Variants in DOK5 observed in about 807,000 individuals in gnomAD.
DOK5 encodes the protein downstream of tyrosine kinase 5.
DOK5 carries 27 observed loss-of-function variants against 43.3 expected under a neutral mutation model. That is an observed-to-expected ratio of 0.62 (90% CI 0.46 to 0.86). DOK5 has a LOEUF of 0.86. DOK5 is among the 40% of genes least tolerant of loss of function. DOK5 has a pLI of 0.00. For missense variants in DOK5, 373 were observed against 392.9 expected, an observed-to-expected ratio of 0.95 and a Z score of 0.43; for synonymous variants, 146 against 140.1, an observed-to-expected ratio of 1.04 and a Z score of -0.30.
At chr20:54,550,762 A>G (rs1238909042) in intron 1 of DOK5, among the ~76,000 whole-genome samples, 1 of 152,140 alleles carries the variant, frequency 6.6e-6, no homozygotes, top group Non-Finnish European at 1.5e-5. Flanking sequence ...CATTGTATGG[A>G]GGATGTACCA....
chr20:54,565,740 T>A (rs1195222450), intron 2 of DOK5, among the ~76,000 whole-genome samples: 1 of 152,298 alleles, frequency 6.6e-6, no homozygotes, highest in African/African-American at 2.4e-5. Flanking sequence ...ATACTGAACA[T>A]GGTCGGGCGC....
chr20:54,557,921 G>A (rs567120678), intron 2 of DOK5, among the ~76,000 whole-genome samples: 1 of 152,210 alleles, frequency 6.6e-6, no homozygotes, highest in East Asian at 1.9e-4. Context: ...CATAAAATAC[G>A]GTCTACAAAG....
chr20:54,616,154 G>T (rs763757431), intron 6 of DOK5, among the ~76,000 whole-genome samples: 1 of 152,122 alleles, frequency 6.6e-6, no homozygotes, highest in African/African-American at 2.4e-5. Flanking sequence ...ATGTGTTAAG[G>T]ACATTTTGTG....
chr20:54,590,392 A>C (rs2146768847), intron 4 of DOK5, among the ~76,000 whole-genome samples: 1 of 152,094 alleles, frequency 6.6e-6, no homozygotes, highest in Middle Eastern at 3.4e-3. Flanking sequence ...TTTTTTCCCT[A>C]TCTCTCCCCT....
chr20:54,584,698 T>A (rs1364031595), intron 2 of DOK5, among the ~76,000 whole-genome samples: 1 of 149,994 alleles, frequency 6.7e-6, no homozygotes, highest in African/African-American at 2.5e-5. Context: ...ATATATATAG[T>A]ACTATAATAT....
chr20:54,484,554 A>G (rs1217423684), intron 1 of DOK5, among the ~76,000 whole-genome samples: 3 of 152,174 alleles, frequency 2.0e-5, no homozygotes, highest in Non-Finnish European at 4.4e-5. Context: ...TATAACAACC[A>G]ATATATTGAC....
chr20:54,517,144 G>A (rs1983224704), intron 1 of DOK5, among the ~76,000 whole-genome samples: 1 of 152,146 alleles, frequency 6.6e-6, no homozygotes, highest in South Asian at 2.1e-4. Flanking sequence ...TTCCCACCCT[G>A]TGTGCAGTGT....
At chr20:54,578,213 CTTCA>C (rs1433328833) in intron 2 of DOK5, among the ~76,000 whole-genome samples, 1 of 152,138 alleles carries the variant, frequency 6.6e-6, no homozygotes, top group African/African-American at 2.4e-5. Context: ...TAAGAAATTA[CTTCA>C]GGATGTCAAA....
chr20:54,531,324 G>A (rs17326260), intron 1 of DOK5, among the ~76,000 whole-genome samples: 8,463 of 152,248 alleles, frequency 0.056, 246 homozygotes, highest in Middle Eastern at 0.075. Flanking sequence ...AGCTCCAAAA[G>A]ACTAAAGCGT....
At chr20:54,489,412 T>C (rs946382777) in intron 1 of DOK5, among the ~76,000 whole-genome samples, 2 of 152,030 alleles carry the variant, frequency 1.3e-5, no homozygotes, top group African/African-American at 4.8e-5. Flanking sequence ...GTGTGTGGGC[T>C]TGTGTGCATG....
At chr20:54,575,211 G>T (rs1317155242) in intron 2 of DOK5, among the ~76,000 whole-genome samples, 1 of 152,066 alleles carries the variant, frequency 6.6e-6, no homozygotes, top group Non-Finnish European at 1.5e-5. Context: ...ACAAAATATG[G>T]ACTTTTCTAA....
chr20:54,633,572 A>G (rs1978673540), intron 6 of DOK5, among the ~76,000 whole-genome samples: 1 of 152,252 alleles, frequency 6.6e-6, no homozygotes, highest in African/African-American at 2.4e-5. Context: ...GAATGTGTTC[A>G]GGCGTGGATG....
chr20:54,547,269 C>T (rs1245724218), intron 1 of DOK5, among the ~76,000 whole-genome samples: 2 of 152,156 alleles, frequency 1.3e-5, no homozygotes. Flanking sequence ...AAAACATTTA[C>T]TCTTTGGCTC....
intron 2 of DOK5, among the ~76,000 whole-genome samples, chr20:54,583,985 C>CAA (rs56957710): frequency 6.4e-5 from 8 of 124,950 alleles, no homozygotes; most frequent in South Asian, 2.6e-4. Flanking sequence ...ACTAAAAATA[C>CAA]AAAAAAAAAA....
intron 7 of DOK5, among the ~76,000 whole-genome samples, chr20:54,644,598 C>T (rs888332101): frequency 1.2e-4 from 18 of 150,468 alleles, no homozygotes; most frequent in East Asian, 1.2e-3. Context: ...CCCAGCTACG[C>T]GGGAGGCTGA....
chr20:54,583,635 C>T (rs895679729), intron 2 of DOK5, among the ~76,000 whole-genome samples: 5 of 151,860 alleles, frequency 3.3e-5, no homozygotes, highest in Admixed American at 2.0e-4. Context: ...ATTATAGTGT[C>T]CTTCTTTGTC....
intron 1 of DOK5, among the ~76,000 whole-genome samples, chr20:54,487,329 T>C (rs975884676): frequency 2.0e-5 from 3 of 152,182 alleles, no homozygotes; most frequent in Non-Finnish European, 2.9e-5. Context: ...CACAGCGTCA[T>C]GTTTCATTGC....
chr20:54,516,865 T>G lies in DOK5; in HGVS notation c.67-38068T>G, dbSNP rs988853153. Among the ~76,000 whole-genome samples the G allele has an allele frequency of 3.3e-5, 5 of 152,232 alleles. No individual in the cohort carries two copies. In the South Asian group the frequency reaches 8.3e-4, roughly 25 times the overall value. On this transcript the variant is annotated intron_variant, in intron 1 of 7. Transcript: ENST00000262593. Reference sequence around the variant, plus strand: ...TAAACTAGCAATTAAGTCTTTAATATCTATGCATTTATTCTGCAACACTGA... The same window carrying G: ...TAAACTAGCAATTAAGTCTTTAATAGCTATGCATTTATTCTGCAACACTGA...
intron 1 of DOK5, among the ~76,000 whole-genome samples, chr20:54,546,247 A>G (rs1984339385): frequency 6.6e-6 from 1 of 152,240 alleles, no homozygotes; most frequent in Admixed American, 6.5e-5. Context: ...TCAGCATTCC[A>G]CAGTGCGCAG....
Sources: allele counts gnomAD v4.1 joint callset (sites outside exome capture counted in the v4.1 genomes callset), GRCh38; gene constraint gnomAD v4.1.1; transcripts MANE v1.5; gene names NCBI Gene and HGNC (gene_info 2026-07-23, HGNC 2026-07-21).